The following KANSL1 variants were observed in gnomAD, a reference collection of about 807,000 sequenced individuals.
KANSL1 encodes the protein MLL1/MLL complex subunit KANSL1.
A neutral mutation model predicts 103.6 loss-of-function variants in KANSL1; 22 were observed. The observed-to-expected ratio is 0.21, with a 90% CI of 0.15 to 0.30. KANSL1 has a LOEUF of 0.30. Ranked by LOEUF, KANSL1 falls within the 10% of genes least tolerant of loss-of-function variation. The pLI, the probability that KANSL1 is intolerant of heterozygous loss-of-function variation, is 1.00. For synonymous variants in KANSL1, 600 were observed against 527.6 expected (o/e 1.14, Z -1.88); for missense variants, 1,337 against 1,399.8 (o/e 0.96, Z 0.72).
chr17:46,211,513 C>T (rs1033426233), intron 1 of KANSL1, among the ~76,000 whole-genome samples: 2 of 152,242 alleles, frequency 1.3e-5, no homozygotes, highest in Non-Finnish European at 1.5e-5. Context: ...GACAAGCTTG[C>T]TGTAAATAGA....
Position 46,171,002 on chromosome 17 carries a change from T to TC in KANSL1, c.1141dup (p.Glu381GlyfsTer6). On this transcript the variant is annotated frameshift_variant, in exon 2 of 15. Coordinates refer to ENST00000432791, the MANE Select transcript of KANSL1 (RefSeq NM_015443.4). LOFTEE classifies it high-confidence loss of function. ...GGCTATGCCACTAGCTGTAAATCTC[T>TC]CCAATTCTTCTGAAATTGAATTGCT... 6.2e-7 allele frequency: 1 copy of TC among 1,614,202 alleles called. No homozygotes were observed.
chr17:46,169,862 T>C (rs2046191187), intron 2 of KANSL1, among the ~76,000 whole-genome samples: 1 of 152,154 alleles, frequency 6.6e-6, no homozygotes, highest in Non-Finnish European at 1.5e-5. Context: ...TATGTAAAAT[T>C]TTCTCAAACC....
chr17:46,031,884 G>A (rs2077018824), intron 14 of KANSL1, 163 bp downstream of exon 14: 1 of 1,114,260 alleles, frequency 9.0e-7, no homozygotes, highest in African/African-American at 1.5e-5. Flanking sequence ...ATTTAGCAGT[G>A]ATCAATACAG....
chr17:46,111,709 C>T (rs1463324624), intron 2 of KANSL1, among the ~76,000 whole-genome samples: 1 of 152,166 alleles, frequency 6.6e-6, no homozygotes, highest in African/African-American at 2.4e-5. Context: ...GAAGAAAGAA[C>T]ATTGTATTTA....
At chr17:46,096,037 T>C (rs2042046649) in intron 2 of KANSL1, among the ~76,000 whole-genome samples, 1 of 152,118 alleles carries the variant, frequency 6.6e-6, no homozygotes, top group Non-Finnish European at 1.5e-5. Context: ...ATTAATATAT[T>C]GCTGGTAACA....
chr17:46,173,494 C>A (rs527378074), intron 1 of KANSL1, among the ~76,000 whole-genome samples: 1 of 152,206 alleles, frequency 6.6e-6, no homozygotes, highest in Non-Finnish European at 1.5e-5. Flanking sequence ...AGGAAACATA[C>A]GTAAAGAACT....
intron 3 of KANSL1, among the ~76,000 whole-genome samples, chr17:46,089,343 A>G (rs2079288042): frequency 6.6e-6 from 1 of 152,182 alleles, no homozygotes; most frequent in Non-Finnish European, 1.5e-5. Context: ...CTACCTTCTG[A>G]CAGAACAGAA....
intron 7 of KANSL1, 109 bp downstream of exon 7, chr17:46,050,424 T>C (rs902218280): frequency 3.5e-6 from 4 of 1,144,488 alleles, no homozygotes; most frequent in Admixed American, 2.7e-5. Flanking sequence ...TTGACGAAAG[T>C]TGTACCTTGA....
chr17:46,188,709 A>G (rs1357046190), intron 1 of KANSL1, among the ~76,000 whole-genome samples: 1 of 152,182 alleles, frequency 6.6e-6, no homozygotes, highest in Non-Finnish European at 1.5e-5. Context: ...GAAAGAGTAC[A>G]ACGAAAGCTG....
intron 2 of KANSL1, among the ~76,000 whole-genome samples, chr17:46,118,239 G>A (rs1008452425): frequency 4.7e-5 from 7 of 148,074 alleles, no homozygotes; most frequent in South Asian, 2.1e-4. Flanking sequence ...GCCTTCACAA[G>A]TGTGTCAAAA....
At chr17:46,064,368 G>A (rs1297834168) in intron 6 of KANSL1, among the ~76,000 whole-genome samples, 6 of 152,122 alleles carry the variant, frequency 3.9e-5, no homozygotes, top group Admixed American at 3.9e-4. Flanking sequence ...TGTTGCTAGT[G>A]GCTCTCTTAA....
intron 4 of KANSL1, 85 bp from the exon 5 acceptor site, chr17:46,067,752 G>C (rs1404591765): frequency 5.6e-6 from 4 of 716,870 alleles, no homozygotes; most frequent in Non-Finnish European, 9.9e-6. Context: ...TTTGCACAAA[G>C]CACCTAAAAC....
intron 4 of KANSL1, among the ~76,000 whole-genome samples, chr17:46,068,991 T>A (rs75975083): frequency 6.6e-6 from 1 of 152,116 alleles, no homozygotes; most frequent in African/African-American, 2.4e-5. Context: ...AGTGGCATGA[T>A]AGCAGCTCAC....
In KANSL1 at chr17:46,160,551, C is replaced by T. The variant is rs181783773; in HGVS notation, c.1289+10304G>A. On this transcript the variant is annotated intron_variant, in intron 2 of 14. Coordinates refer to ENST00000432791, the MANE Select transcript of KANSL1 (RefSeq NM_015443.4). ...TCAAGAGATCTGCCCGCCTTGGCCT[C>T]CCCAAGTGCTGGAATTACAGGAGAG... Among the ~76,000 whole-genome samples, 12 of 152,290 alleles carry T rather than the reference C, an allele frequency of 7.9e-5. No individual in the cohort carries two copies. In the East Asian group the frequency reaches 2.3e-3, roughly 29 times the overall value.
In KANSL1 at chr17:46,171,738, C is replaced by G. The variant is rs2046302554; in HGVS notation, c.406G>C (p.Glu136Gln). Reference protein sequence around the residue: ...GRQPVLEFSLENLRTMNTSGQ... With the variant: ...GRQPVLEFSLQNLRTMNTSGQ... Reference sequence around the variant, plus strand: ...CTCGTATTCATGGTTCTAAGATTTTCTAAGGAAAACTCCAAAACTGGCTGT... The same window carrying G: ...CTCGTATTCATGGTTCTAAGATTTTGTAAGGAAAACTCCAAAACTGGCTGT... The change falls in exon 2 of 15, where the codon GAA becomes CAA. Residue 136 changes from glutamate to glutamine, a missense_variant. Glu to Gln is a conservative substitution (Grantham distance 29, BLOSUM62 2). Around this residue, in one of 2 missense-constraint regions of KANSL1, gnomAD observed 557 missense variants for 476.4 expected, o/e 1.17. Transcript: ENST00000432791. The G allele has an allele frequency of 6.3e-7, 1 of 1,580,040 alleles. No homozygotes were observed. The highest frequency in any genetic ancestry group is 1.4e-5 in the African/African-American group (1 of 72,922).
rs186142097 is a variant in KANSL1, at chr17:46,062,656, C to T, written c.1848+3881G>A. On this transcript the variant is annotated intron_variant, in intron 6 of 14. Transcript: ENST00000432791. ...TACAGGCATGAGCCACTGTGCCTGG[C>T]CAGCCTTTTTAAGGGCAAAAGAGTT... is the stretch of plus-strand genomic sequence containing the variant. 4.6e-5 allele frequency among the ~76,000 whole-genome samples: 7 copies of T among 151,826 alleles called. No homozygotes were observed. The East Asian group carries it at 1.2e-3, about 26-fold the overall frequency.
chr17:46,188,691 A>T (rs1227034720), intron 1 of KANSL1, among the ~76,000 whole-genome samples: 3 of 152,216 alleles, frequency 2.0e-5, no homozygotes, highest in Admixed American at 6.5e-5. Flanking sequence ...AGGAACATTT[A>T]AAATGAAGAA....
At chr17:46,216,967 T>C (rs536620477) in intron 1 of KANSL1, among the ~76,000 whole-genome samples, 1 of 151,944 alleles carries the variant, frequency 6.6e-6, no homozygotes, top group African/African-American at 2.4e-5. Context: ...AATAGCCAGA[T>C]GTGGTAGTGT....
At chr17:46,034,393 G>A in intron 10 of KANSL1, 108 bp from the exon 11 acceptor site, 4 of 1,266,278 alleles carry the variant, frequency 3.2e-6, no homozygotes, top group Non-Finnish European at 4.5e-6. Flanking sequence ...CTGGGTCCTT[G>A]GGTTGAAGCT....
Sources: allele counts gnomAD v4.1 joint callset (sites outside exome capture counted in the v4.1 genomes callset), GRCh38; gene constraint gnomAD v4.1.1; regional missense constraint gnomAD v4.1.1; transcripts MANE v1.5; gene names NCBI Gene and HGNC (gene_info 2026-07-23, HGNC 2026-07-21).